The following TRIM33 variants were observed in gnomAD, a reference collection of about 807,000 sequenced individuals.
TRIM33 encodes E3 ubiquitin-protein ligase TRIM33.
TRIM33 carries 20 observed loss-of-function variants against 125.4 expected under a neutral mutation model. That is an observed-to-expected ratio of 0.16 (90% CI 0.11 to 0.23). The LOEUF (loss-of-function observed/expected upper bound fraction) is 0.23. Among genes scored for constraint, TRIM33 ranks in the 10% least tolerant of loss-of-function variants. The probability of loss-of-function intolerance (pLI) is 1.00; values close to 1 mark genes in which losing one functional copy is unlikely to be tolerated. For missense variants in TRIM33, 920 were observed against 1,411.4 expected (o/e 0.65, Z 5.58); for synonymous variants, 564 against 513.9 (o/e 1.10, Z -1.32).
chr1:114,500,461 C>T (rs191538894), intron 1 of TRIM33, among the ~76,000 whole-genome samples: 2 of 152,160 alleles, frequency 1.3e-5, no homozygotes, highest in East Asian at 3.9e-4. Flanking sequence ...GCCTCAGCCT[C>T]CTGAGTAGCT....
intron 1 of TRIM33, among the ~76,000 whole-genome samples, chr1:114,488,438 G>C (rs948341503): frequency 6.6e-6 from 1 of 152,088 alleles, no homozygotes; most frequent in African/African-American, 2.4e-5. Flanking sequence ...ATTAATACAA[G>C]AAGCTTCAAA....
At chr1:114,487,663 C>T (rs1248755424) in intron 1 of TRIM33, among the ~76,000 whole-genome samples, 4 of 149,820 alleles carry the variant, frequency 2.7e-5, no homozygotes, top group East Asian at 2.0e-4. Context: ...TTTGGGAGGC[C>T]GAGGCGGGTG....
chr1:114,480,241 G>A (rs1308197759), intron 1 of TRIM33, among the ~76,000 whole-genome samples: 7 of 151,966 alleles, frequency 4.6e-5, no homozygotes, highest in African/African-American at 7.3e-5. Flanking sequence ...GATTAAGGGC[G>A]GTGCAAGATG....
intron 12 of TRIM33, 34 bp from the exon 13 acceptor site, chr1:114,408,774 C>CATAT (rs1652403599): frequency 7.3e-7 from 1 of 1,365,444 alleles, no homozygotes; most frequent in African/African-American, 1.5e-5. Context: ...AATATCAATG[C>CATAT]ATATAAGAAT....
chr1:114,463,616 A>AC (rs1650120034), intron 2 of TRIM33, 60 bp from the exon 3 acceptor site: 1 of 1,098,068 alleles, frequency 9.1e-7, no homozygotes, highest in Admixed American at 2.4e-5. Flanking sequence ...TCTAAAAAAA[A>AC]AAAAAAACTT....
intron 1 of TRIM33, among the ~76,000 whole-genome samples, chr1:114,475,689 A>AAAT (rs34301868): frequency 0.35 from 53,336 of 151,514 alleles, 10,031 homozygotes; most frequent in African/African-American, 0.46. Flanking sequence ...CTCAAAATAA[A>AAAT]AATAAATGTT....
intron 1 of TRIM33, among the ~76,000 whole-genome samples, chr1:114,476,238 A>G (rs547051462): frequency 6.6e-6 from 1 of 152,082 alleles, no homozygotes; most frequent in Admixed American, 6.5e-5. Flanking sequence ...AAAACCTTTC[A>G]ATTAAAAAGA....
In TRIM33 at chr1:114,459,767, CAT is replaced by C. The variant is rs752277796; in HGVS notation, c.923+3335_923+3336del. Among the ~76,000 whole-genome samples, 12 of 151,994 alleles carry C rather than the reference CAT, an allele frequency of 7.9e-5. No individual in the cohort carries two copies. In the South Asian group the frequency reaches 2.5e-3, roughly 32 times the overall value. On this transcript the variant is annotated intron_variant, in intron 4 of 19. Transcript: ENST00000358465. ...AAAAATAAGAAAAATTCTCTCTCTC[CAT>C]ATATATATACAGTTAAACAAAAATT...
chr1:114,436,781 G>C (rs1648337663), intron 4 of TRIM33, among the ~76,000 whole-genome samples: 1 of 152,014 alleles, frequency 6.6e-6, no homozygotes, highest in Non-Finnish European at 1.5e-5. Flanking sequence ...TTTTAAAGAG[G>C]CTTTACTGTT....
intron 1 of TRIM33, among the ~76,000 whole-genome samples, chr1:114,500,939 C>A (rs1652674172): frequency 1.5e-5 from 1 of 64,942 alleles, no homozygotes; most frequent in Non-Finnish European, 3.3e-5. Context: ...GCCTGTAATC[C>A]CAGCACTTTG....
At chr1:114,446,797 G>C (rs962540297) in intron 4 of TRIM33, among the ~76,000 whole-genome samples, 1 of 152,144 alleles carries the variant, frequency 6.6e-6, no homozygotes, top group African/African-American at 2.4e-5. Flanking sequence ...GCTCATGCCT[G>C]TCATCCCAAC....
rs1557912964 is a variant in TRIM33 at position 114,511,108 on chromosome 1, GCGCCGCCCGCCGCCCGCGTCGCCGCCGC to G, written c.-60_-33del. The G allele has an allele frequency of 4.4e-6, 5 of 1,144,370 alleles. 1 individual carries two copies. In the South Asian group the frequency reaches 2.1e-4, roughly 48 times the overall value. 70.9% of individuals were successfully genotyped at this position (1,144,370 alleles called of 1,614,324 possible). A position where few individuals can be genotyped will look rare whatever the true frequency, so the allele number is the denominator to read the frequency against. On this transcript the variant is annotated 5_prime_UTR_variant, in exon 1 of 20. Coordinates refer to ENST00000358465, the MANE Select transcript of TRIM33 (RefSeq NM_015906.4). ...CTCTTTGAACCCGCCGGACCGCCCC[GCGCCGCCCGCCGCCCGCGTCGCCGCCGC>G]CGCCGCCCCCAGCCCCAGCCGCAGC...
chr1:114,403,959 C>T (rs932619582), intron 15 of TRIM33, among the ~76,000 whole-genome samples: 4 of 151,472 alleles, frequency 2.6e-5, no homozygotes, highest in African/African-American at 4.8e-5. Flanking sequence ...CCACTATGCC[C>T]GGCTACCTCC....
At chr1:114,408,078 C>G (rs749549163) in intron 13 of TRIM33, among the ~76,000 whole-genome samples, 5 of 152,118 alleles carry the variant, frequency 3.3e-5, no homozygotes, top group Non-Finnish European at 7.4e-5. Flanking sequence ...TCTTGCTCTC[C>G]CTTCCCCCAA....
chr1:114,481,064 C>T (rs917110273), intron 1 of TRIM33, among the ~76,000 whole-genome samples: 5 of 151,722 alleles, frequency 3.3e-5, no homozygotes, highest in Admixed American at 1.3e-4. Context: ...CCCAGCTACT[C>T]GGGAGGCTGA....
rs879791285 is a variant in TRIM33 at position 114,414,911 on chromosome 1, T to C, written c.2062-4595A>G. ...AAGAAAAGGAAGAGAAAAATAATCA[T>C]AACAACTAACATTTATTAAATACTT... is the stretch of plus-strand genomic sequence containing the variant. On this transcript the variant is annotated intron_variant, in intron 11 of 19. Coordinates refer to ENST00000358465, the MANE Select transcript of TRIM33 (RefSeq NM_015906.4). 5.2e-4 allele frequency among the ~76,000 whole-genome samples: 79 copies of C among 150,520 alleles called. 2 individuals are homozygous for C. Among genetic ancestry groups the C allele is most frequent in the Non-Finnish European group, 2.8e-4 (19 of 67,674 alleles).
intron 11 of TRIM33, among the ~76,000 whole-genome samples, chr1:114,415,057 C>T (rs369412775): frequency 1.1e-4 from 15 of 137,358 alleles, no homozygotes; most frequent in African/African-American, 2.0e-4. Flanking sequence ...TGCAGTGGCA[C>T]GATCACGGCT....
chr1:114,425,423 C>T, intron 9 of TRIM33, 26 bp downstream of exon 9: 3 of 1,607,520 alleles, frequency 1.9e-6, no homozygotes, highest in Non-Finnish European at 2.6e-6. Flanking sequence ...TAATTTCTAT[C>T]AATAATGTAG....
chr1:114,436,383 A>G (rs1413892573), intron 4 of TRIM33, among the ~76,000 whole-genome samples: 1 of 137,478 alleles, frequency 7.3e-6, no homozygotes, highest in African/African-American at 2.7e-5. Flanking sequence ...GCCTGGTGAC[A>G]GAGTGAGACT....
Sources: allele counts gnomAD v4.1 joint callset (sites outside exome capture counted in the v4.1 genomes callset), GRCh38; gene constraint gnomAD v4.1.1; transcripts MANE v1.5; gene names NCBI Gene and HGNC (gene_info 2026-07-23, HGNC 2026-07-21).